The following TNS3 variants were observed in gnomAD, a reference collection of about 807,000 sequenced individuals.
TNS3 encodes tensin 3.
TNS3 carries 45 observed loss-of-function variants against 140.9 expected under a neutral mutation model. That is an observed-to-expected ratio of 0.32 (90% CI 0.25 to 0.41). The LOEUF (loss-of-function observed/expected upper bound fraction) is 0.41, where lower values mean the gene tolerates loss of function less well. Ranked by LOEUF, TNS3 falls within the 10% of genes least tolerant of loss-of-function variation. The pLI is 1.00. For synonymous variants in TNS3, 815 were observed against 788.4 expected (o/e 1.03, Z -0.56); for missense variants, 1,716 against 1,906.7 (o/e 0.90, Z 1.86).
At chr7:47,339,776 A>ACCTAGT (rs1788843937) in intron 20 of TNS3, among the ~76,000 whole-genome samples, 1 of 151,982 alleles carries the variant, frequency 6.6e-6, no homozygotes, top group African/African-American at 2.4e-5. Flanking sequence ...TCAATCTGGA[A>ACCTAGT]AGAAGTGACA....
chr7:47,374,253 C>G (rs1791246326), intron 16 of TNS3, among the ~76,000 whole-genome samples: 1 of 152,196 alleles, frequency 6.6e-6, no homozygotes, highest in South Asian at 2.1e-4. Flanking sequence ...GAACCAGGGG[C>G]ACAAAGATTA....
At chr7:47,345,442 A>G (rs1789278710) in intron 18 of TNS3, among the ~76,000 whole-genome samples, 1 of 152,262 alleles carries the variant, frequency 6.6e-6, no homozygotes, top group Non-Finnish European at 1.5e-5. Flanking sequence ...TTTTAAATAC[A>G]TAGCACAGAA....
upstream of TNS3, chr7:47,582,469 C>A (rs1263484613): frequency 2.2e-6 from 1 of 456,638 alleles, no homozygotes; most frequent in Non-Finnish European, 4.4e-6. Flanking sequence ...ACAACCAGTT[C>A]ATTCTTTCAT....
intron 17 of TNS3, among the ~76,000 whole-genome samples, chr7:47,354,774 A>C (rs1584467631): frequency 6.6e-6 from 1 of 152,300 alleles, no homozygotes; most frequent in South Asian, 2.1e-4. Context: ...AGGGAGGGAC[A>C]GGCAGTGGCT....
At chr7:47,505,400 G>A (rs1798377357) in intron 3 of TNS3, among the ~76,000 whole-genome samples, 1 of 152,216 alleles carries the variant, frequency 6.6e-6, no homozygotes, top group African/African-American at 2.4e-5. Flanking sequence ...GCCTAGGAGT[G>A]TGTGAACAAG....
chr7:47,507,777 C>T (rs928976530), intron 2 of TNS3, among the ~76,000 whole-genome samples: 1 of 152,220 alleles, frequency 6.6e-6, no homozygotes, highest in African/African-American at 2.4e-5. Flanking sequence ...AATCCCAACA[C>T]AGCCTCCTGT....
At chr7:47,438,834 A>G (rs1795319060) in intron 6 of TNS3, among the ~76,000 whole-genome samples, 1 of 152,120 alleles carries the variant, frequency 6.6e-6, no homozygotes, top group African/African-American at 2.4e-5. Context: ...ACTAGAGATA[A>G]CAAGGCAGGT....
chr7:47,287,135 T>TA (rs1785463576), intron 27 of TNS3, among the ~76,000 whole-genome samples: 1 of 151,858 alleles, frequency 6.6e-6, no homozygotes, highest in Admixed American at 6.5e-5. Context: ...TACCATATGC[T>TA]AAAAAATGCA....
rs557355639 is a variant in TNS3 at position 47,376,971 on chromosome 7, C to A, written c.1025-7350G>T. 2.6e-5 allele frequency among the ~76,000 whole-genome samples: 4 copies of A among 152,272 alleles called. No individual in the cohort carries two copies. In the East Asian group the frequency reaches 7.7e-4, roughly 29 times the overall value. ...TGTTCCTAGCATGGAGTCTTCAGTT[C>A]TCCCACACACCCATGGTACCAGCAG... On this transcript the variant is annotated intron_variant, in intron 16 of 30. Transcript: ENST00000311160.
intron 2 of TNS3, among the ~76,000 whole-genome samples, chr7:47,522,780 T>C (rs1390593251): frequency 2.0e-5 from 3 of 151,840 alleles, no homozygotes; most frequent in Non-Finnish European, 4.4e-5. Flanking sequence ...TACAAAAAAT[T>C]AGCCGGGTGT....
chr7:47,283,917 T>C (rs1433151063), intron 27 of TNS3, 52 bp from the exon 28 acceptor site: 1 of 1,477,546 alleles, frequency 6.8e-7, no homozygotes, highest in Admixed American at 2.3e-5. Context: ...GGGACAGGTG[T>C]GTCCTGTTAA....
intron 13 of TNS3, among the ~76,000 whole-genome samples, chr7:47,409,210 G>A (rs1793619128): frequency 6.6e-6 from 1 of 152,058 alleles, no homozygotes; most frequent in African/African-American, 2.4e-5. Flanking sequence ...AGAGAAGGAA[G>A]GAGGAGGAGG....
intron 2 of TNS3, among the ~76,000 whole-genome samples, chr7:47,518,238 AGAT>A (rs1444281208): frequency 1.3e-5 from 2 of 152,158 alleles, no homozygotes; most frequent in African/African-American, 4.8e-5. Context: ...ATAAGGCTCA[AGAT>A]GCTCCCATTC....
At chr7:47,548,823 AT>A (rs1325353239) in intron 1 of TNS3, among the ~76,000 whole-genome samples, 6 of 152,112 alleles carry the variant, frequency 3.9e-5, no homozygotes, top group African/African-American at 1.4e-4. Context: ...TCACTGGGCC[AT>A]CCCCGAAGCA....
At chr7:47,403,774 C>T (rs1254358719) in intron 13 of TNS3, among the ~76,000 whole-genome samples, 1 of 152,186 alleles carries the variant, frequency 6.6e-6, no homozygotes, top group East Asian at 1.9e-4. Flanking sequence ...CACTCACCAA[C>T]CAGGAGCCCT....
intron 15 of TNS3, among the ~76,000 whole-genome samples, chr7:47,399,739 GA>G (rs1364515836): frequency 6.6e-6 from 1 of 152,134 alleles, no homozygotes; most frequent in Non-Finnish European, 1.5e-5. Flanking sequence ...GACAACCTAG[GA>G]AAAACTCTTC....
intron 2 of TNS3, among the ~76,000 whole-genome samples, chr7:47,522,927 C>CAAAAAAA (rs370083525): frequency 3.6e-5 from 5 of 139,716 alleles, no homozygotes; most frequent in Non-Finnish European, 4.6e-5. Context: ...GACTCCATCT[C>CAAAAAAA]AAAAAAAAAA....
intron 9 of TNS3, among the ~76,000 whole-genome samples, chr7:47,424,891 A>C (rs1309469494): frequency 6.6e-6 from 1 of 152,248 alleles, no homozygotes; most frequent in East Asian, 1.9e-4. Context: ...GCCCACAGGA[A>C]GTGTCTGACA....
chr7:47,338,742 T>C (rs942239826), intron 20 of TNS3, among the ~76,000 whole-genome samples: 1 of 152,232 alleles, frequency 6.6e-6, no homozygotes, highest in Non-Finnish European at 1.5e-5. Flanking sequence ...CAATTCACTG[T>C]TGATGGGCAC....
Sources: allele counts gnomAD v4.1 joint callset (sites outside exome capture counted in the v4.1 genomes callset), GRCh38; gene constraint gnomAD v4.1.1; transcripts MANE v1.5; gene names NCBI Gene and HGNC (gene_info 2026-07-23, HGNC 2026-07-21).